The following PIK3R1 variants were observed in gnomAD, a reference collection of about 807,000 sequenced individuals.
The protein encoded by PIK3R1 is phosphatidylinositol 3-kinase regulatory subunit alpha.
In PIK3R1, 29 loss-of-function variants were observed where a neutral mutation model predicts 98.0. That is an observed-to-expected ratio of 0.30 (90% CI 0.22 to 0.40). PIK3R1 has a LOEUF of 0.40. Among genes scored for constraint, PIK3R1 ranks in the 10% least tolerant of loss-of-function variants. The pLI is 1.00. For missense variants in PIK3R1, 596 were observed against 872.7 expected, an observed-to-expected ratio of 0.68 and a Z score of 3.99; for synonymous variants, 282 against 311.8, an observed-to-expected ratio of 0.90 and a Z score of 1.01.
intron 2 of PIK3R1, among the ~76,000 whole-genome samples, chr5:68,238,142 A>G (rs1744734736): frequency 6.6e-6 from 1 of 152,218 alleles, no homozygotes; most frequent in Admixed American, 6.5e-5. Flanking sequence ...AGAGCATCAG[A>G]AAGTCAGGCG....
chr5:68,235,872 A>ATTTTTTT (rs56930555), intron 2 of PIK3R1, among the ~76,000 whole-genome samples: 1 of 146,644 alleles, frequency 6.8e-6, no homozygotes, highest in Non-Finnish European at 1.5e-5. Flanking sequence ...TCTGCCAGGC[A>ATTTTTTT]TTTTTTTTTT....
chr5:68,253,185 T>G (rs1745384265), intron 2 of PIK3R1, among the ~76,000 whole-genome samples: 1 of 152,256 alleles, frequency 6.6e-6, no homozygotes, highest in African/African-American at 2.4e-5. Flanking sequence ...TATTTCTGCT[T>G]GTCATAGTTT....
At chr5:68,238,271 G>A (rs985480971) in intron 2 of PIK3R1, among the ~76,000 whole-genome samples, 1 of 152,144 alleles carries the variant, frequency 6.6e-6, no homozygotes. Context: ...GGATCCCTTA[G>A]CTCAGAGCAG....
intron 2 of PIK3R1, chr5:68,239,971 G>C (rs1202409199): frequency 2.1e-6 from 1 of 486,916 alleles, no homozygotes; most frequent in Non-Finnish European, 4.1e-6. Flanking sequence ...CATTCCTCCT[G>C]CATGTTGGAA....
intron 2 of PIK3R1, among the ~76,000 whole-genome samples, chr5:68,253,024 C>G (rs892324581): frequency 6.6e-6 from 1 of 152,118 alleles, no homozygotes; most frequent in Non-Finnish European, 1.5e-5. Context: ...TAATTCAGGG[C>G]AAGTGTGCAT....
At chr5:68,290,602 G>C (rs773915968) in intron 7 of PIK3R1, 20 of 1,333,516 alleles carry the variant, frequency 1.5e-5, no homozygotes, top group Non-Finnish European at 2.0e-5. Flanking sequence ...TGATTGGCTG[G>C]GGCGTGTGAT....
At chr5:68,216,854 AAT>A in intron 1 of PIK3R1, among the ~76,000 whole-genome samples, 1 of 152,340 alleles carries the variant, frequency 6.6e-6, no homozygotes, top group Admixed American at 6.5e-5. Flanking sequence ...CCTGTACAGA[AAT>A]ACACTTTGAT....
At position 68,263,487 on chromosome 5, in the gene PIK3R1, G is replaced by A. The variant is rs562683600; in HGVS notation, c.335-9903G>A. Among the ~76,000 whole-genome samples, 68 of 151,890 alleles carry A rather than the reference G, an allele frequency of 4.5e-4. 2 individuals carry two copies. The highest frequency in any genetic ancestry group is 1.6e-3 in the African/African-American group (67 of 41,438). On this transcript the variant is annotated intron_variant, in intron 2 of 15. Transcript: ENST00000521381. ...AGCCCATTAATTTCTTTAGTAGAGAGGTGAGTAGCCTCTTGTTTATTTCAC... is the reference window on the plus strand; with the variant it reads ...AGCCCATTAATTTCTTTAGTAGAGAAGTGAGTAGCCTCTTGTTTATTTCAC...
intron 4 of PIK3R1, 121 bp downstream of exon 4, chr5:68,274,134 C>G (rs1378938719): frequency 7.5e-6 from 6 of 795,044 alleles, no homozygotes; most frequent in Non-Finnish European, 1.3e-5. Context: ...AAAGGGAACT[C>G]AAATCATGTA....
intron 2 of PIK3R1, among the ~76,000 whole-genome samples, chr5:68,236,188 A>G (rs919728285): frequency 2.6e-5 from 4 of 151,744 alleles, no homozygotes; most frequent in Admixed American, 6.6e-5. Context: ...CATTTTATAG[A>G]CATTTTTCAT....
chr5:68,242,994 C>T (rs1164080003), intron 2 of PIK3R1, among the ~76,000 whole-genome samples: 3 of 152,024 alleles, frequency 2.0e-5, no homozygotes, highest in African/African-American at 4.8e-5. Context: ...CTCTTCCCAC[C>T]GTCCCCAGAC....
At chr5:68,235,170 A>G (rs1225249167) in intron 2 of PIK3R1, among the ~76,000 whole-genome samples, 4 of 152,114 alleles carry the variant, frequency 2.6e-5, no homozygotes, top group African/African-American at 4.8e-5. Context: ...TGGGAGGCCA[A>G]GGTGGGCAGA....
At chr5:68,224,532 G>A (rs1408940864) in intron 1 of PIK3R1, among the ~76,000 whole-genome samples, 1 of 152,122 alleles carries the variant, frequency 6.6e-6, no homozygotes, top group African/African-American at 2.4e-5. Context: ...ATGTAAAGTT[G>A]AATACTTTAC....
chr5:68,263,161 A>G (rs1004236076), intron 2 of PIK3R1, among the ~76,000 whole-genome samples: 4 of 146,242 alleles, frequency 2.7e-5, no homozygotes, highest in African/African-American at 5.0e-5. Flanking sequence ...ATGTACATAT[A>G]TCTACATATA....
At position 68,301,521 on chromosome 5, in the gene PIK3R1, TCAAAA is replaced by T. The variant is rs1458239432; in HGVS notation, c.*3926_*3930del. ...ACATATATATATGTATTTAAAAAAA[TCAAAA>T]CAAAAAAAAACTCATTTATACCTGT... On this transcript the variant is annotated 3_prime_UTR_variant, in exon 16 of 16. Transcript: ENST00000521381. 2 of 147,628 alleles carry T rather than the reference TCAAAA, an allele frequency of 1.4e-5. No homozygotes were observed. Among genetic ancestry groups the T allele is most frequent in the South Asian group, 2.2e-4 (1 of 4,542 alleles). 9.1% of individuals were successfully genotyped at this position (147,628 alleles called of 1,614,324 possible). A position where few individuals can be genotyped will look rare whatever the true frequency, so the allele number is the denominator to read the frequency against.
At position 68,301,391 on chromosome 5, in the gene PIK3R1, T is replaced by G. The variant is rs1203365618; in HGVS notation, c.*3790T>G. ...ATGTGTGTGTGTGTGTGTGTGTGTG[T>G]GTATATATATATATATATATATATA... On this transcript the variant is annotated 3_prime_UTR_variant, in exon 16 of 16. Transcript: ENST00000521381. 2.9e-5 allele frequency: 1 copy of G among 34,222 alleles called. No homozygotes were observed. Among genetic ancestry groups the G allele is most frequent in the Non-Finnish European group, 5.5e-5 (1 of 18,026 alleles). 2.1% of individuals were successfully genotyped at this position (34,222 alleles called of 1,614,324 possible).
Position 68,300,435 on chromosome 5 carries a change from C to T in PIK3R1, c.*2834C>T, listed in dbSNP as rs928932277. 2 of 232,950 alleles carry T rather than the reference C, an allele frequency of 8.6e-6. No individual in the cohort carries two copies. The highest frequency in any genetic ancestry group is 2.2e-5 in the African/African-American group (1 of 45,416). The allele number at this position is 232,950 out of a possible 1,614,324, so 14.4% of individuals were successfully genotyped here. A position where few individuals can be genotyped will look rare whatever the true frequency, so the allele number is the denominator to read the frequency against. ...TCCTGATATATGATTTTTATCCATG[C>T]GTCAGTTTTTCCCACCCAGTGTAGC... On this transcript the variant is annotated 3_prime_UTR_variant, in exon 16 of 16. Coordinates refer to ENST00000521381, the MANE Select transcript of PIK3R1 (RefSeq NM_181523.3).
chr5:68,231,449 G>A (rs907910134), intron 2 of PIK3R1, among the ~76,000 whole-genome samples: 2 of 152,226 alleles, frequency 1.3e-5, no homozygotes, highest in African/African-American at 4.8e-5. Flanking sequence ...AAAGAAAAAG[G>A]CCACCATTGG....
chr5:68,263,136 CAT>C (rs35728943), intron 2 of PIK3R1, among the ~76,000 whole-genome samples: 86,755 of 132,160 alleles, frequency 0.66, 29,677 homozygotes, highest in African/African-American at 0.72. Context: ...TACATAGATA[CAT>C]ATATATTTAT....
Sources: gnomAD v4.1 joint callset for allele counts (sites outside exome capture counted in the v4.1 genomes callset) on GRCh38, gnomAD v4.1.1 for gene constraint, MANE v1.5 for transcripts, NCBI Gene and HGNC (gene_info 2026-07-23, HGNC 2026-07-21) for gene names.